CD48: variants seen among roughly 807,000 people sequenced by gnomAD.
The protein encoded by CD48 is CD48 antigen.
Under a neutral mutation model 22.0 loss-of-function variants are expected in CD48, and 20 were observed. The observed-to-expected ratio is 0.91, with a 90% confidence interval of 0.64 to 1.32. The LOEUF (loss-of-function observed/expected upper bound fraction) is 1.32. Ranked by LOEUF, CD48 falls within the 40% of genes most tolerant of loss-of-function variation. CD48 has a pLI of 0.00. For synonymous variants in CD48, 110 were observed against 110.1 expected (o/e 1.00, Z 0.01); for missense variants, 307 against 286.5 (o/e 1.07, Z -0.52).
At chr1:160,705,681 C>G (rs1434818984) in intron 1 of CD48, among the ~76,000 whole-genome samples, 1 of 152,126 alleles carries the variant, frequency 6.6e-6, no homozygotes, top group Non-Finnish European at 1.5e-5. Flanking sequence ...ATTTGTTCTC[C>G]TTCTGTTAGT....
In CD48 at chr1:160,682,711, C is replaced by T. The variant is rs147308535; in HGVS notation, c.386-1243G>A. ...GCAATGTTAGTAAGATAAAACGTCACCTGTCATGGATAATTGCTTTTTGAA... is the reference window on the plus strand; with the variant it reads ...GCAATGTTAGTAAGATAAAACGTCATCTGTCATGGATAATTGCTTTTTGAA... On this transcript the variant is annotated intron_variant, in intron 2 of 3. Transcript: ENST00000368046. 3.6e-3 allele frequency among the ~76,000 whole-genome samples: 551 copies of T among 152,274 alleles called. 5 individuals carry two copies. Among genetic ancestry groups the T allele is most frequent in the African/African-American group, 0.013 (526 of 41,556 alleles).
In CD48 at chr1:160,711,692, G is replaced by A; in HGVS notation, c.72C>T (p.Thr24=). ...GTTGGTGGAAAGTACCTTGAATGCT[G>A]GTCACCAGGAGTGACAGAGGCAGCA... ...LLLLPLSLLV[T]SIQGHLVHMT... Residue 24 remains threonine, a synonymous_variant, in exon 1 of 4, where the codon ACC becomes ACT. Coordinates refer to ENST00000368046, the MANE Select transcript of CD48 (RefSeq NM_001778.4). 1 of 1,609,718 alleles carries A rather than the reference G, an allele frequency of 6.2e-7. No homozygotes were observed. The highest frequency in any genetic ancestry group is 8.5e-7 in the Non-Finnish European group (1 of 1,176,108).
At chr1:160,685,257 G>A in intron 1 of CD48, 68 bp from the exon 2 acceptor site, 1 of 1,194,650 alleles carries the variant, frequency 8.4e-7, no homozygotes, top group Non-Finnish European at 1.2e-6. Context: ...CCAGGGTATA[G>A]CCTGGGCTGG....
intron 1 of CD48, among the ~76,000 whole-genome samples, chr1:160,697,999 A>G (rs2102426297): frequency 6.6e-6 from 1 of 152,352 alleles, no homozygotes; most frequent in African/African-American, 2.4e-5. Flanking sequence ...CTGGTCCTGA[A>G]CATCCAGAAT....
chr1:160,684,067 CAT>C lies in CD48; in HGVS notation c.385+818_385+819del, dbSNP rs1429528419. 22 of 152,294 alleles carry C rather than the reference CAT, an allele frequency of 1.4e-4. No individual in the cohort carries two copies. In the East Asian group the frequency reaches 1.9e-3, roughly 13 times the overall value. 9.4% of individuals were successfully genotyped at this position (152,294 alleles called of 1,614,324 possible). Reference sequence around the variant, plus strand: ...CAAAAGTCTAAGTTTTGAGAGATAACATGTGTAAAATGGCAGGAATCCAAATC... The same window carrying C: ...CAAAAGTCTAAGTTTTGAGAGATAACGTGTAAAATGGCAGGAATCCAAATC... On this transcript the variant is annotated intron_variant, in intron 2 of 3. Coordinates refer to ENST00000368046, the MANE Select transcript of CD48 (RefSeq NM_001778.4).
At chr1:160,696,588 T>A (rs1407494655) in intron 1 of CD48, among the ~76,000 whole-genome samples, 2 of 151,806 alleles carry the variant, frequency 1.3e-5, no homozygotes, top group East Asian at 3.9e-4. Context: ...TTGTACAACA[T>A]TGCACCCAGT....
intron 1 of CD48, among the ~76,000 whole-genome samples, chr1:160,695,916 CA>C (rs1399268618): frequency 6.6e-6 from 1 of 152,212 alleles, no homozygotes; most frequent in Non-Finnish European, 1.5e-5. Flanking sequence ...ATGACCCAGA[CA>C]AAATAGTTGT....
At chr1:160,683,336 A>G (rs988329985) in intron 2 of CD48, among the ~76,000 whole-genome samples, 1 of 152,130 alleles carries the variant, frequency 6.6e-6, no homozygotes, top group African/African-American at 2.4e-5. Flanking sequence ...TTTTTCTGCT[A>G]ATCACTTCCT....
intron 1 of CD48, among the ~76,000 whole-genome samples, chr1:160,689,489 A>C (rs1662114556): frequency 6.6e-6 from 1 of 152,208 alleles, no homozygotes; most frequent in Non-Finnish European, 1.5e-5. Flanking sequence ...AGTGAGATTG[A>C]GTGCTGAAGG....
chr1:160,678,877 G>C lies in CD48; in HGVS notation c.*175C>G, dbSNP rs534516606. 5.2e-6 allele frequency: 3 copies of C among 578,036 alleles called. No individual in the cohort carries two copies. The highest frequency in any genetic ancestry group is 4.5e-5 in the South Asian group (2 of 44,658). 35.8% of individuals were successfully genotyped at this position (578,036 alleles called of 1,614,324 possible). ...TCTCTGTGTACTAGAAAACAACAAA[G>C]GGATATAAAATTAAATAATAACCAG... On this transcript the variant is annotated 3_prime_UTR_variant, in exon 4 of 4. Transcript: ENST00000368046.
intron 1 of CD48, among the ~76,000 whole-genome samples, chr1:160,704,594 A>G (rs535085206): frequency 2.2e-4 from 34 of 152,370 alleles, no homozygotes; most frequent in African/African-American, 7.7e-4. Flanking sequence ...AGCCAGAGCT[A>G]TTCAGTAGCA....
At chr1:160,682,261 C>A (rs1281894637) in intron 2 of CD48, among the ~76,000 whole-genome samples, 5 of 146,012 alleles carry the variant, frequency 3.4e-5, no homozygotes, top group African/African-American at 1.0e-4. Flanking sequence ...CCAGCCTGGG[C>A]AACATTGAGA....
At chr1:160,684,846 C>G (rs752144317) in intron 2 of CD48, 41 bp downstream of exon 2, 1 of 1,614,076 alleles carries the variant, frequency 6.2e-7, no homozygotes. Context: ...CCATCTGGGG[C>G]CACTGGAGTG....
chr1:160,683,026 A>T lies in CD48; in HGVS notation c.386-1558T>A, dbSNP rs147380199. On this transcript the variant is annotated intron_variant, in intron 2 of 3. Coordinates refer to ENST00000368046, the MANE Select transcript of CD48 (RefSeq NM_001778.4). ...AAGCTCTACCAATCTGGTCTCTAGA[A>T]CTCTAGTTTTGTCTCCTCTGTGAAG... 3.6e-3 allele frequency among the ~76,000 whole-genome samples: 552 copies of T among 152,212 alleles called. 5 individuals are homozygous for T. The highest frequency in any genetic ancestry group is 0.013 in the African/African-American group (526 of 41,520).
rs898528820 is a variant in CD48 at position 160,680,865 on chromosome 1, C to T, written c.652+337G>A. ...GCTCGCCCACTTGCCCTTCCTTCTC[C>T]CTGCTCACCCTGATGTTTCAGTCTA... On this transcript the variant is annotated intron_variant, in intron 3 of 3. Coordinates refer to ENST00000368046, the MANE Select transcript of CD48 (RefSeq NM_001778.4). 1.3e-5 allele frequency: 18 copies of T among 1,343,884 alleles called. No homozygotes were observed. In the African/African-American group the frequency reaches 2.2e-4, roughly 16 times the overall value. The allele number at this position is 1,343,884 out of a possible 1,614,324, so 83.2% of individuals were successfully genotyped here.
At chr1:160,690,188 A>AG (rs1229185062) in intron 1 of CD48, among the ~76,000 whole-genome samples, 1 of 152,316 alleles carries the variant, frequency 6.6e-6, no homozygotes, top group Middle Eastern at 3.4e-3. Flanking sequence ...TAACATATCC[A>AG]GGGGCATTGT....
At chr1:160,683,967 A>G (rs1045573367) in intron 2 of CD48, 4 of 149,978 alleles carry the variant, frequency 2.7e-5, no homozygotes, top group African/African-American at 1.0e-4. Context: ...TAGATCAGGT[A>G]CACACACCTG....
intron 1 of CD48, among the ~76,000 whole-genome samples, chr1:160,710,761 G>A (rs1032670489): frequency 6.6e-6 from 1 of 152,300 alleles, no homozygotes; most frequent in Middle Eastern, 3.4e-3. Flanking sequence ...TAGAATATGT[G>A]AGAGACCGAT....
rs752980272 is a variant in CD48, at chr1:160,684,722, AG to A, written c.385+164del. 4 of 1,559,914 alleles carry A rather than the reference AG, an allele frequency of 2.6e-6. No individual in the cohort carries two copies. In the Admixed American group the frequency reaches 7.6e-5, roughly 30 times the overall value. On this transcript the variant is annotated intron_variant, in intron 2 of 3. Transcript: ENST00000368046. ...TGTTAATTTGGATATCTGTTGACCT[AG>A]GCTCACTCCCAAATAGAATTGGATC...
Sources: allele counts gnomAD v4.1 joint callset (sites outside exome capture counted in the v4.1 genomes callset), GRCh38; gene constraint gnomAD v4.1.1; transcripts MANE v1.5; gene names NCBI Gene and HGNC (gene_info 2026-07-23, HGNC 2026-07-21).